NAALADL2: variants seen among roughly 807,000 people sequenced by gnomAD.
NAALADL2 encodes the protein N-acetylated alpha-linked acidic dipeptidase like 2.
Under a neutral mutation model 87.2 loss-of-function variants are expected in NAALADL2, and 76 were observed. The ratio of observed to expected loss-of-function variants is 0.87; its 90% CI spans 0.72 to 1.05. The LOEUF (loss-of-function observed/expected upper bound fraction) is 1.05. Among genes scored for constraint, NAALADL2 ranks in the 50% least tolerant of loss-of-function variants. The pLI is 0.00. For missense variants in NAALADL2, 1,089 were observed against 945.8 expected, an observed-to-expected ratio of 1.15 and a Z score of -1.99; for synonymous variants, 354 against 331.0, an observed-to-expected ratio of 1.07 and a Z score of -0.75.
chr3:174,491,906 A>T (rs192777884), intron 1 of NAALADL2, among the ~76,000 whole-genome samples: 1 of 152,152 alleles, frequency 6.6e-6, no homozygotes, highest in African/African-American at 2.4e-5. Context: ...AATAAAGATG[A>T]TTTTATTGTC....
intron 2 of NAALADL2, among the ~76,000 whole-genome samples, chr3:174,616,952 A>C (rs558731036): frequency 1.3e-4 from 19 of 151,944 alleles, no homozygotes; most frequent in African/African-American, 4.6e-4. Context: ...ATAGTCATTA[A>C]ATTTTAATTG....
At chr3:175,446,385 G>A (rs1560565309) in intron 5 of NAALADL2, among the ~76,000 whole-genome samples, 1 of 152,012 alleles carries the variant, frequency 6.6e-6, no homozygotes, top group Non-Finnish European at 1.5e-5. Flanking sequence ...AAGATTACAG[G>A]CGTGCACCAC....
At chr3:175,750,705 G>A (rs1746519951) in intron 12 of NAALADL2, among the ~76,000 whole-genome samples, 1 of 152,080 alleles carries the variant, frequency 6.6e-6, no homozygotes, top group African/African-American at 2.4e-5. Context: ...TATCTCTCAA[G>A]GTTTACTTCT....
chr3:174,797,292 G>GTT (rs1468962061), intron 3 of NAALADL2, among the ~76,000 whole-genome samples: 12 of 109,636 alleles, frequency 1.1e-4, no homozygotes, highest in South Asian at 3.1e-4. Flanking sequence ...TTTTTCTTTT[G>GTT]TTTTTCTTTT....
rs1179463732 is a variant in NAALADL2 at position 175,423,983 on chromosome 3, T to C, written c.1091-23246T>C. Among the ~76,000 whole-genome samples, 5 of 152,192 alleles carry C rather than the reference T, an allele frequency of 3.3e-5. No homozygotes were observed. In the South Asian group the frequency reaches 8.3e-4, roughly 25 times the overall value. ...CTAACTGGTGTGAGATGGCATCTCA[T>C]TGTGGTTTTGATTTGCATTTCTCTG... is the stretch of plus-strand genomic sequence containing the variant. On this transcript the variant is annotated intron_variant, in intron 5 of 13. Transcript: ENST00000454872.
intron 2 of NAALADL2, among the ~76,000 whole-genome samples, chr3:175,114,679 A>C (rs2108516528): frequency 6.6e-6 from 1 of 151,696 alleles, no homozygotes; most frequent in East Asian, 2.0e-4. Context: ...ATGCTCTAGA[A>C]CCTAAACCTT....
chr3:174,562,632 T>C (rs2108514753), intron 2 of NAALADL2, among the ~76,000 whole-genome samples: 1 of 152,156 alleles, frequency 6.6e-6, no homozygotes, highest in Admixed American at 6.6e-5. Context: ...GACCACAATA[T>C]TGCCACCTCG....
chr3:175,399,718 G>A lies in NAALADL2; in HGVS notation c.1091-47511G>A, dbSNP rs192805782. ...GTCTTTATGACCTGTATCTTTTGCC[G>A]ACCTCCTCTCTCACCCTGTGACTTA... On this transcript the variant is annotated intron_variant, in intron 5 of 13. Transcript: ENST00000454872. Among the ~76,000 whole-genome samples the A allele has an allele frequency of 1.1e-4, 16 of 151,936 alleles. No homozygotes were observed. The East Asian group carries it at 1.2e-3, about 11-fold the overall frequency.
intron 2 of NAALADL2, among the ~76,000 whole-genome samples, chr3:174,569,691 G>A (rs1287409173): frequency 1.3e-5 from 2 of 152,024 alleles, no homozygotes; most frequent in African/African-American, 4.8e-5. Flanking sequence ...GCTATGTTAG[G>A]TTTAAAATAC....
At chr3:175,631,128 T>A (rs1727703283) in intron 11 of NAALADL2, among the ~76,000 whole-genome samples, 1 of 151,732 alleles carries the variant, frequency 6.6e-6, no homozygotes, top group Non-Finnish European at 1.5e-5. Context: ...ACTCTTTTTC[T>A]TCTAGACTTT....
rs567281614 is a variant in NAALADL2 at position 175,804,925 on chromosome 3, A to C, written c.*1722A>C. ...TAGATGAAAAATGAAACTACCTTACAATATTATTTTTTTAACCAATGTATT... is the reference window on the plus strand; with the variant it reads ...TAGATGAAAAATGAAACTACCTTACCATATTATTTTTTTAACCAATGTATT... On this transcript the variant is annotated 3_prime_UTR_variant, in exon 14 of 14. Transcript: ENST00000454872. The C allele has an allele frequency of 3.3e-5, 5 of 152,058 alleles. No individual in the cohort carries two copies. Among genetic ancestry groups the C allele is most frequent in the African/African-American group, 1.2e-4 (5 of 41,536 alleles). 9.4% of individuals were successfully genotyped at this position (152,058 alleles called of 1,614,324 possible). A position where few individuals can be genotyped will look rare whatever the true frequency, so the allele number is the denominator to read the frequency against.
At chr3:175,165,806 A>G (rs1183993895) in intron 2 of NAALADL2, among the ~76,000 whole-genome samples, 2 of 151,940 alleles carry the variant, frequency 1.3e-5, no homozygotes, top group East Asian at 3.9e-4. Flanking sequence ...CTCCTCCCAA[A>G]CACAGAGACA....
chr3:175,486,448 G>T (rs1356076937), intron 9 of NAALADL2, among the ~76,000 whole-genome samples: 1 of 152,078 alleles, frequency 6.6e-6, no homozygotes, highest in East Asian at 1.9e-4. Flanking sequence ...TACCCAGTTA[G>T]CATTTCTCTC....
intron 6 of NAALADL2, among the ~76,000 whole-genome samples, chr3:175,457,932 C>G (rs970204777): frequency 6.6e-6 from 1 of 151,896 alleles, no homozygotes; most frequent in African/African-American, 2.4e-5. Flanking sequence ...TGAGTCATTA[C>G]TTAATTAGGA....
rs538994777 is a variant in NAALADL2, at chr3:174,680,628, CATTTTCTTT to C, written c.-114-57002_-114-56994del. On this transcript the variant is annotated intron_variant, in intron 2 of 3. Coordinates refer to the NAALADL2 transcript ENST00000434257. ...GAAGTGTTATTTTTACAGTTTATCCCATTTTCTTTATTTTCTTTAAAATTCAGAAGTCCA... is the reference window on the plus strand; with the variant it reads ...GAAGTGTTATTTTTACAGTTTATCCCATTTTCTTTAAAATTCAGAAGTCCA... Among the ~76,000 whole-genome samples, 732 of 152,216 alleles carry C rather than the reference CATTTTCTTT, an allele frequency of 4.8e-3. 7 individuals carry two copies. The highest frequency in any genetic ancestry group is 0.017 in the African/African-American group (707 of 41,534).
At chr3:175,439,835 T>C (rs529415285) in intron 5 of NAALADL2, among the ~76,000 whole-genome samples, 1 of 151,814 alleles carries the variant, frequency 6.6e-6, no homozygotes, top group East Asian at 1.9e-4. Flanking sequence ...ACTTGGTGGG[T>C]TGTCTGTTCA....
At chr3:175,576,282 A>T in intron 10 of NAALADL2, 95 bp downstream of exon 10, 2 of 1,119,608 alleles carry the variant, frequency 1.8e-6, no homozygotes, top group South Asian at 1.6e-5. Context: ...CATATCAAAT[A>T]GGTCACTATA....
At chr3:175,162,459 G>A (rs182908980) in intron 2 of NAALADL2, among the ~76,000 whole-genome samples, 1 of 152,126 alleles carries the variant, frequency 6.6e-6, no homozygotes, top group African/African-American at 2.4e-5. Context: ...GAATAGAGAT[G>A]GAGGTATCAT....
At chr3:175,114,150 G>A (rs1724702883) in intron 2 of NAALADL2, among the ~76,000 whole-genome samples, 1 of 151,616 alleles carries the variant, frequency 6.6e-6, no homozygotes, top group African/African-American at 2.4e-5. Context: ...GTGAAGGATA[G>A]AGAGGAAAAT....
Sources: allele counts gnomAD v4.1 joint callset (sites outside exome capture counted in the v4.1 genomes callset), GRCh38; gene constraint gnomAD v4.1.1; transcripts MANE v1.5; gene names NCBI Gene and HGNC (gene_info 2026-07-23, HGNC 2026-07-21).